The following CHPT1 variants were observed in gnomAD, a reference collection of about 807,000 sequenced individuals.
CHPT1 encodes cholinephosphotransferase 1.
Under a neutral mutation model 47.6 loss-of-function variants are expected in CHPT1, and 36 were observed. That is an observed-to-expected ratio of 0.76 (90% CI 0.58 to 1.00). CHPT1 has a LOEUF of 1.00. Ranked by LOEUF, CHPT1 falls within the 50% of genes least tolerant of loss-of-function variation. The pLI is 0.00. For missense variants in CHPT1, 458 were observed against 498.1 expected (o/e 0.92, Z 0.77); for synonymous variants, 194 against 186.3 (o/e 1.04, Z -0.33).
intron 1 of CHPT1, among the ~76,000 whole-genome samples, chr12:101,704,386 A>T (rs1482879666): frequency 6.7e-6 from 1 of 150,332 alleles, no homozygotes; most frequent in East Asian, 1.9e-4. Flanking sequence ...AAAATCATAG[A>T]TATGATATGC....
Position 101,697,878 on chromosome 12 carries a change from G to A in CHPT1, c.17G>A (p.Gly6Glu). Residue 6 changes from glycine (G) to glutamate (E), a missense_variant, in exon 1 of 9, where the codon GGG becomes GAG. Gly to Glu is a moderately conservative substitution (Grantham distance 98). Transcript: ENST00000229266. MAAGA[G>E]AGSAPRWLRA... ...CAGGCGGCCATGGCGGCAGGCGCCGGGGCCGGGTCCGCGCCGCGCTGGCTG... is the reference window on the plus strand; with the variant it reads ...CAGGCGGCCATGGCGGCAGGCGCCGAGGCCGGGTCCGCGCCGCGCTGGCTG... 4 of 1,205,430 alleles carry A rather than the reference G, an allele frequency of 3.3e-6. No individual in the cohort carries two copies. The highest frequency in any genetic ancestry group is 3.4e-5 in the East Asian group (1 of 29,406). The allele number at this position is 1,205,430 out of a possible 1,614,324, so 74.7% of individuals were successfully genotyped here.
intron 7 of CHPT1, among the ~76,000 whole-genome samples, 192 bp from the exon 8 acceptor site, chr12:101,726,100 CTG>C (rs1157399114): frequency 2.0e-5 from 3 of 152,126 alleles, no homozygotes; most frequent in South Asian, 2.1e-4. Flanking sequence ...GTGTCTATAA[CTG>C]TGAAATAACC....
chr12:101,715,605 A>G (rs1951752947), intron 3 of CHPT1, among the ~76,000 whole-genome samples: 1 of 152,226 alleles, frequency 6.6e-6, no homozygotes, highest in African/African-American at 2.4e-5. Flanking sequence ...TGGGGCATCC[A>G]GGCAGAGATG....
chr12:101,719,156 G>GAAAA (rs779382436), intron 4 of CHPT1, among the ~76,000 whole-genome samples: 2,773 of 92,788 alleles, frequency 0.03, 95 homozygotes, highest in African/African-American at 0.041. Flanking sequence ...CTCGTCTCAA[G>GAAAA]AAAAAAAAAA....
chr12:101,699,553 A>G (rs1375668512), intron 1 of CHPT1, among the ~76,000 whole-genome samples: 1 of 151,618 alleles, frequency 6.6e-6, no homozygotes, highest in Non-Finnish European at 1.5e-5. Flanking sequence ...ACGCCCGGCT[A>G]ATTTTTGTAT....
chr12:101,726,533 A>G, intron 8 of CHPT1, 129 bp downstream of exon 8: 2 of 1,309,168 alleles, frequency 1.5e-6, no homozygotes, highest in Non-Finnish European at 2.0e-6. Flanking sequence ...ATTTGAATAT[A>G]AAACATAAAC....
chr12:101,698,793 T>C (rs546941758), intron 1 of CHPT1, among the ~76,000 whole-genome samples: 1 of 152,300 alleles, frequency 6.6e-6, no homozygotes, highest in Non-Finnish European at 1.5e-5. Flanking sequence ...TTGACCTTTG[T>C]ACAAAATAAG....
chr12:101,723,040 C>A, intron 5 of CHPT1, 128 bp from the exon 6 acceptor site: 2 of 790,878 alleles, frequency 2.5e-6, no homozygotes, highest in South Asian at 1.6e-5. Flanking sequence ...TTTGTATACT[C>A]CTGTAGGCCA....
At chr12:101,714,812 C>T (rs922663940) in intron 3 of CHPT1, 167 bp downstream of exon 3, 3 of 500,472 alleles carry the variant, frequency 6.0e-6, no homozygotes, top group African/African-American at 2.0e-5. Flanking sequence ...AGGTACTCTG[C>T]ATGTTATAAA....
intron 1 of CHPT1, among the ~76,000 whole-genome samples, chr12:101,704,104 C>T (rs745940404): frequency 1.6e-4 from 25 of 152,092 alleles, no homozygotes; most frequent in Admixed American, 7.2e-4. Flanking sequence ...TACCAGCTGA[C>T]CTAATGGTTA....
At chr12:101,699,456 C>T (rs1433042131) in intron 1 of CHPT1, among the ~76,000 whole-genome samples, 2 of 149,980 alleles carry the variant, frequency 1.3e-5, no homozygotes, top group Non-Finnish European at 3.0e-5. Context: ...GTGGTGATCT[C>T]GGCTCACTGC....
Position 101,697,693 on chromosome 12 carries a change from G to A in CHPT1, c.-169G>A, listed in dbSNP as rs527672372. 121 of 170,050 alleles carry A rather than the reference G, an allele frequency of 7.1e-4. No homozygotes were observed. The highest frequency in any genetic ancestry group is 1.1e-3 in the Non-Finnish European group (91 of 82,490). 10.5% of individuals were successfully genotyped at this position (170,050 alleles called of 1,614,324 possible). A position where few individuals can be genotyped will look rare whatever the true frequency, so the allele number is the denominator to read the frequency against. On this transcript the variant is annotated 5_prime_UTR_variant, in exon 1 of 9. Transcript: ENST00000229266. Reference sequence around the variant, plus strand: ...CCACAGCTTCTGGGGCTGGGGCCCCGGCAGCCGGGCAGGCCGGCCTGACCT... The same window carrying A: ...CCACAGCTTCTGGGGCTGGGGCCCCAGCAGCCGGGCAGGCCGGCCTGACCT...
At chr12:101,720,451 C>T (rs1323874059) in intron 5 of CHPT1, among the ~76,000 whole-genome samples, 197 bp downstream of exon 5, 1 of 152,198 alleles carries the variant, frequency 6.6e-6, no homozygotes, top group African/African-American at 2.4e-5. Flanking sequence ...TACAAGCTTG[C>T]TCTGCATAGA....
intron 8 of CHPT1, 39 bp downstream of exon 8, chr12:101,726,443 A>G: frequency 6.2e-7 from 1 of 1,606,644 alleles, no homozygotes; most frequent in Non-Finnish European, 8.5e-7. Flanking sequence ...CCCAAGGAAA[A>G]GAGGAGATGA....
At position 101,728,907 on chromosome 12, in the gene CHPT1, G is replaced by A. The variant is rs114852578; in HGVS notation, c.1183G>A (p.Val395Ile). 2.5e-6 allele frequency: 4 copies of A among 1,613,410 alleles called. No homozygotes were observed. Among genetic ancestry groups the A allele is most frequent in the Non-Finnish European group, 2.5e-6 (3 of 1,179,644 alleles). The change falls in exon 9 of 9, where the codon GTT becomes ATT. Residue 395 changes from valine to isoleucine, a missense_variant. By Grantham distance (29) the Val-to-Ile change is conservative. Transcript: ENST00000229266. ...ACHQAPEQVQ[V>I]LSSKSHQNNM... ...ATTGTATCATATTACTTAGGTTCAA[G>A]TTCTTTCTTCAAAGAGTCATCAGAA...
rs1951887432 is a variant in CHPT1 at position 101,723,295 on chromosome 12, G to C, written c.908G>C (p.Cys303Ser). ...HPCLYILMFGCVFAKVSQKLV... is the reference protein window; with the variant it reads ...HPCLYILMFGSVFAKVSQKLV... ...TGTCTTTATATCCTAATGTTTGGATGTGTCTTTGCTAAAGTCTCACAAAAA... is the reference window on the plus strand; with the variant it reads ...TGTCTTTATATCCTAATGTTTGGATCTGTCTTTGCTAAAGTCTCACAAAAA... The change falls in exon 6 of 9, where the codon TGT becomes TCT. Residue 303 changes from cysteine to serine, a missense_variant. Transcript: ENST00000229266. 6.2e-7 allele frequency: 1 copy of C among 1,608,080 alleles called. No homozygotes were observed. Among genetic ancestry groups the C allele is most frequent in the Non-Finnish European group, 8.5e-7 (1 of 1,176,574 alleles).
chr12:101,727,375 A>C (rs1951980913), intron 8 of CHPT1: 1 of 152,168 alleles, frequency 6.6e-6, no homozygotes, highest in Non-Finnish European at 1.5e-5. Flanking sequence ...CTCATTATGA[A>C]TACTACTAGA....
intron 4 of CHPT1, chr12:101,717,327 G>C (rs1336800130): frequency 1.8e-5 from 8 of 452,412 alleles, no homozygotes; most frequent in Non-Finnish European, 3.6e-5. Flanking sequence ...GGAGGCCACT[G>C]TCATAAATTC....
At chr12:101,727,158 G>GAGTC (rs890924392) in intron 8 of CHPT1, 99 of 150,936 alleles carry the variant, frequency 6.6e-4, no homozygotes, top group African/African-American at 2.3e-3. Context: ...CAGTAGCTAA[G>GAGTC]AGTCAGTTGA....
Sources: gnomAD v4.1 joint callset for allele counts (sites outside exome capture counted in the v4.1 genomes callset) on GRCh38, gnomAD v4.1.1 for gene constraint, MANE v1.5 for transcripts, NCBI Gene and HGNC (gene_info 2026-07-23, HGNC 2026-07-21) for gene names.